OTOGL: variants seen among roughly 807,000 people sequenced by gnomAD.
The protein encoded by OTOGL is otogelin like, also known as otogelin-like protein.
Under a neutral mutation model 318.5 loss-of-function variants are expected in OTOGL, and 285 were observed. That is an observed-to-expected ratio of 0.89 (90% CI 0.81 to 0.99). The LOEUF (loss-of-function observed/expected upper bound fraction) is 0.99. Ranked by LOEUF, OTOGL falls within the 50% of genes least tolerant of loss-of-function variation. The pLI, the probability that OTOGL is intolerant of heterozygous loss-of-function variation, is 0.00. For missense variants in OTOGL, 2,899 were observed against 2,845.6 expected (o/e 1.02, Z -0.43); for synonymous variants, 987 against 936.5 (o/e 1.05, Z -0.99).
chr12:80,156,777 C>A, intron 1 of OTOGL, among the ~76,000 whole-genome samples: 1 of 152,096 alleles, frequency 6.6e-6, no homozygotes, highest in Non-Finnish European at 1.5e-5. Context: ...TCCAATAAAC[C>A]TCTTTTTTTC....
At chr12:80,195,634 T>G (rs1876003627) in intron 1 of OTOGL, among the ~76,000 whole-genome samples, 1 of 152,126 alleles carries the variant, frequency 6.6e-6, no homozygotes, top group Admixed American at 6.5e-5. Flanking sequence ...AGGTAAAAAC[T>G]TATCAGTCTG....
At chr12:80,124,960 G>C (rs1253761452) in intron 1 of OTOGL, among the ~76,000 whole-genome samples, 1 of 152,176 alleles carries the variant, frequency 6.6e-6, no homozygotes, top group Non-Finnish European at 1.5e-5. Flanking sequence ...GGGTTTTCTA[G>C]ATACACAATC....
chr12:80,375,386 A>T (rs758354070), intron 57 of OTOGL, among the ~76,000 whole-genome samples: 1 of 152,200 alleles, frequency 6.6e-6, no homozygotes, highest in Non-Finnish European at 1.5e-5. Context: ...AGCCACTGGG[A>T]CCATAATAGT....
chr12:80,377,845 C>A lies in OTOGL; in HGVS notation c.6862-3C>A, dbSNP rs1255575994. The A allele has an allele frequency of 3.1e-6, 5 of 1,599,708 alleles. No individual in the cohort carries two copies. Among genetic ancestry groups the A allele is most frequent in the Non-Finnish European group, 3.4e-6 (4 of 1,169,364 alleles). ...CTTTTTTTCTCATTGTCACTTCTTA[C>A]AGATAAATGTTGCATCTTGTGACGG... On this transcript the variant is annotated splice_region_variant and splice_polypyrimidine_tract_variant and intron_variant, in intron 58 of 58. Coordinates refer to ENST00000547103, the MANE Select transcript of OTOGL (RefSeq NM_001378609.3).
chr12:80,100,438 C>T (rs1033258580), intron 1 of OTOGL, among the ~76,000 whole-genome samples: 5 of 151,954 alleles, frequency 3.3e-5, no homozygotes, highest in African/African-American at 4.8e-5. Flanking sequence ...ATATGTACCC[C>T]ATAAATATGT....
At chr12:80,135,923 T>C (rs1422616098) in intron 1 of OTOGL, among the ~76,000 whole-genome samples, 3 of 152,174 alleles carry the variant, frequency 2.0e-5, no homozygotes, top group Admixed American at 6.5e-5. Context: ...GGGACATTAG[T>C]TCTTCCTGAT....
intron 1 of OTOGL, among the ~76,000 whole-genome samples, chr12:80,144,759 G>T (rs1872218238): frequency 6.6e-6 from 1 of 152,162 alleles, no homozygotes; most frequent in Non-Finnish European, 1.5e-5. Flanking sequence ...TAACTAGTGT[G>T]AGATGGTATC....
intron 35 of OTOGL, among the ~76,000 whole-genome samples, chr12:80,326,651 G>C (rs1488712810): frequency 6.6e-6 from 1 of 152,016 alleles, no homozygotes; most frequent in Non-Finnish European, 1.5e-5. Flanking sequence ...ACTTCACAAA[G>C]TTTAAAATAA....
At chr12:80,271,051 T>C (rs1018348392) in intron 23 of OTOGL, among the ~76,000 whole-genome samples, 4 of 152,136 alleles carry the variant, frequency 2.6e-5, no homozygotes, top group South Asian at 2.1e-4. Context: ...TTACAAGACA[T>C]GTTTATGGAC....
chr12:80,261,817 T>A (rs996111069), intron 18 of OTOGL, among the ~76,000 whole-genome samples, 152 bp from the exon 19 acceptor site: 4 of 151,600 alleles, frequency 2.6e-5, no homozygotes, highest in African/African-American at 9.8e-5. Flanking sequence ...GAGCTTAATA[T>A]CGTTGTACTT....
intron 7 of OTOGL, among the ~76,000 whole-genome samples, chr12:80,222,927 TG>T (rs1565909169): frequency 6.8e-6 from 1 of 146,916 alleles, no homozygotes; most frequent in Non-Finnish European, 1.5e-5. Flanking sequence ...CATAGGTTTT[TG>T]GGGGAAGAGA....
At chr12:80,326,421 A>G (rs1241461138) in intron 35 of OTOGL, among the ~76,000 whole-genome samples, 2 of 152,196 alleles carry the variant, frequency 1.3e-5, no homozygotes, top group Non-Finnish European at 2.9e-5. Flanking sequence ...ATTGTATGAT[A>G]AAAGAAAGCA....
intron 35 of OTOGL, 84 bp downstream of exon 35, chr12:80,323,924 C>T (rs772500646): frequency 2.9e-6 from 3 of 1,038,112 alleles, no homozygotes; most frequent in Non-Finnish European, 4.4e-6. Context: ...ATTTTAAAAA[C>T]AGCCATTCTC....
At chr12:80,150,197 T>A (rs904457028) in intron 1 of OTOGL, among the ~76,000 whole-genome samples, 1 of 152,212 alleles carries the variant, frequency 6.6e-6, no homozygotes, top group Non-Finnish European at 1.5e-5. Context: ...CCTGGAAATC[T>A]CTCTAGAATA....
At chr12:80,328,846 A>T in intron 36 of OTOGL, 102 bp downstream of exon 36, 1 of 1,166,616 alleles carries the variant, frequency 8.6e-7, no homozygotes, top group Admixed American at 2.3e-5. Flanking sequence ...CAGACAATCA[A>T]CTCTCATAAG....
chr12:80,224,332 A>G (rs1254827467), intron 7 of OTOGL, among the ~76,000 whole-genome samples: 1 of 152,136 alleles, frequency 6.6e-6, no homozygotes, highest in African/African-American at 2.4e-5. Context: ...CTTATACTAT[A>G]GTTTGAAGTC....
chr12:80,172,628 T>C (rs1358085332), intron 1 of OTOGL, among the ~76,000 whole-genome samples: 1 of 152,038 alleles, frequency 6.6e-6, no homozygotes, highest in Non-Finnish European at 1.5e-5. Flanking sequence ...CTATCTTATG[T>C]TTTCTATGTA....
intron 28 of OTOGL, among the ~76,000 whole-genome samples, chr12:80,304,159 A>G (rs1055371125): frequency 1.3e-5 from 2 of 152,200 alleles, no homozygotes; most frequent in African/African-American, 4.8e-5. Flanking sequence ...TGTGAATTCT[A>G]TACTGTTGAG....
chr12:80,264,676 A>G (rs1220805978), intron 19 of OTOGL, among the ~76,000 whole-genome samples: 1 of 152,092 alleles, frequency 6.6e-6, no homozygotes, highest in African/African-American at 2.4e-5. Context: ...AAGCCTCCCA[A>G]TACTCTCCAA....
Sources: allele counts gnomAD v4.1 joint callset (sites outside exome capture counted in the v4.1 genomes callset), GRCh38; gene constraint gnomAD v4.1.1; transcripts MANE v1.5; gene names NCBI Gene and HGNC (gene_info 2026-07-23, HGNC 2026-07-21).